Variants in RAB38 observed in about 807,000 individuals in gnomAD.
RAB38 encodes ras-related protein Rab-38.
In RAB38, 15 loss-of-function variants were observed where a neutral mutation model predicts 18.4. That is an observed-to-expected ratio of 0.82 (90% CI 0.55 to 1.26). The LOEUF is 1.26. Among genes scored for constraint, RAB38 ranks in the 50% most tolerant of loss-of-function variants. RAB38 has a pLI of 0.00. For missense variants in RAB38, 294 were observed against 267.4 expected, an observed-to-expected ratio of 1.10 and a Z score of -0.69; for synonymous variants, 101 against 104.4, an observed-to-expected ratio of 0.97 and a Z score of 0.20.
the RAB38 span, among the ~76,000 whole-genome samples, chr11:87,966,329 G>T: frequency 6.6e-6 from 1 of 152,052 alleles, no homozygotes; most frequent in Admixed American, 6.6e-5. Context: ...TACATGTAGA[G>T]GAGTATTGGT....
the RAB38 span, among the ~76,000 whole-genome samples, chr11:88,006,360 T>A: frequency 6.6e-6 from 1 of 151,384 alleles, no homozygotes; most frequent in African/African-American, 2.4e-5. Flanking sequence ...TGAAAAACAG[T>A]ATGGAGTTTC....
At chr11:88,111,599 T>C (rs1942474722), downstream of RAB38, among the ~76,000 whole-genome samples, 1 of 152,236 alleles carries the variant, frequency 6.6e-6, no homozygotes, top group Admixed American at 6.5e-5. Flanking sequence ...TTTCCATCTT[T>C]TGGTCCTAGA....
At chr11:88,069,004 G>C in the RAB38 span, among the ~76,000 whole-genome samples, 5 of 152,260 alleles carry the variant, frequency 3.3e-5, no homozygotes, top group Non-Finnish European at 7.4e-5. Context: ...TCTCTGGGTG[G>C]GCCAAGGCTG....
the RAB38 span, among the ~76,000 whole-genome samples, chr11:87,827,295 T>C: frequency 6.6e-6 from 1 of 151,772 alleles, no homozygotes; most frequent in African/African-American, 2.4e-5. Flanking sequence ...TTTTTATTAT[T>C]TTTTTTTCTT....
intron 2 of RAB38, among the ~76,000 whole-genome samples, chr11:88,143,907 T>C (rs1044595693): frequency 6.6e-6 from 1 of 152,212 alleles, no homozygotes; most frequent in African/African-American, 2.4e-5. Context: ...GTAGGGAACC[T>C]CTAGAGAATT....
intron 2 of RAB38, among the ~76,000 whole-genome samples, chr11:88,142,478 A>G (rs1942927993): frequency 6.6e-6 from 1 of 152,230 alleles, no homozygotes; most frequent in Non-Finnish European, 1.5e-5. Context: ...TTTTACAGCC[A>G]GCCCATGGTG....
the RAB38 span, among the ~76,000 whole-genome samples, chr11:88,087,768 C>G: frequency 2.6e-5 from 4 of 151,864 alleles, no homozygotes; most frequent in Non-Finnish European, 5.9e-5. Context: ...CTAATGGGAG[C>G]GTCTTATGTC....
At chr11:88,159,804 C>A (rs1007718967) in intron 1 of RAB38, among the ~76,000 whole-genome samples, 4 of 152,108 alleles carry the variant, frequency 2.6e-5, no homozygotes, top group South Asian at 2.1e-4. Flanking sequence ...GGACTCCTAC[C>A]TTTCACCATA....
chr11:87,837,997 T>C, the RAB38 span, among the ~76,000 whole-genome samples: 3 of 152,206 alleles, frequency 2.0e-5, no homozygotes, highest in East Asian at 3.8e-4. Flanking sequence ...CTTAATAAGT[T>C]TTTAATAAAT....
chr11:87,852,975 T>C, the RAB38 span, among the ~76,000 whole-genome samples: 3 of 152,206 alleles, frequency 2.0e-5, no homozygotes, highest in Non-Finnish European at 4.4e-5. Flanking sequence ...CAAGACATAT[T>C]TCACTACAAA....
chr11:88,004,505 TAC>T, the RAB38 span, among the ~76,000 whole-genome samples: 2 of 151,188 alleles, frequency 1.3e-5, no homozygotes. Context: ...ATGAAAAACC[TAC>T]AAGAAACATT....
chr11:88,007,841 A>C, the RAB38 span, among the ~76,000 whole-genome samples: 13 of 152,136 alleles, frequency 8.5e-5, no homozygotes, highest in Non-Finnish European at 1.9e-4. Flanking sequence ...AAGATCTCAA[A>C]TGTATCAACT....
chr11:87,846,291 C>T, the RAB38 span, among the ~76,000 whole-genome samples: 1 of 151,990 alleles, frequency 6.6e-6, no homozygotes, highest in Non-Finnish European at 1.5e-5. Context: ...CTCCAATTTA[C>T]AGACAGAAAT....
At chr11:88,126,218 T>C (rs57110363) in intron 2 of RAB38, among the ~76,000 whole-genome samples, 6 of 152,054 alleles carry the variant, frequency 3.9e-5, no homozygotes, top group Non-Finnish European at 7.4e-5. Context: ...TGGTTCCATA[T>C]GAACTTTAAA....
At chr11:87,809,746 T>C in the RAB38 span, among the ~76,000 whole-genome samples, 3 of 152,246 alleles carry the variant, frequency 2.0e-5, no homozygotes, top group Non-Finnish European at 4.4e-5. Flanking sequence ...TAGTTTTATT[T>C]TTCTGTCATT....
At chr11:88,143,563 TAAG>T (rs1445374082) in intron 2 of RAB38, among the ~76,000 whole-genome samples, 1 of 151,980 alleles carries the variant, frequency 6.6e-6, no homozygotes, top group Admixed American at 6.6e-5. Context: ...TTTAAATCAT[TAAG>T]AAGTAGAACC....
At chr11:88,016,351 T>C in the RAB38 span, among the ~76,000 whole-genome samples, 7 of 152,292 alleles carry the variant, frequency 4.6e-5, no homozygotes, top group African/African-American at 1.7e-4. Context: ...TGAGGACTTA[T>C]ATTCTCAATA....
chr11:87,876,153 C>G, the RAB38 span, among the ~76,000 whole-genome samples: 1 of 151,634 alleles, frequency 6.6e-6, no homozygotes, highest in African/African-American at 2.4e-5. Context: ...TCGAAACTGT[C>G]GTGAAAACAT....
At chr11:87,885,013 C>G in the RAB38 span, among the ~76,000 whole-genome samples, 1 of 152,052 alleles carries the variant, frequency 6.6e-6, no homozygotes, top group African/African-American at 2.4e-5. Context: ...AAATAGAGAC[C>G]CACAGGTCCC....
Sources: gnomAD v4.1 joint callset for allele counts (sites outside exome capture counted in the v4.1 genomes callset) on GRCh38, gnomAD v4.1.1 for gene constraint, MANE v1.5 for transcripts, NCBI Gene and HGNC (gene_info 2026-07-23, HGNC 2026-07-21) for gene names.